MSN: variants seen among roughly 807,000 people sequenced by gnomAD.
MSN encodes the protein epididymis luminal protein 70.
A neutral mutation model predicts 48.0 loss-of-function variants in MSN; 2 were observed. That is an observed-to-expected ratio of 0.04 (90% CI 0.02 to 0.13). MSN has a LOEUF of 0.13. Among genes scored for constraint, MSN ranks in the 10% least tolerant of loss-of-function variants. The pLI, the probability that MSN is intolerant of heterozygous loss-of-function variation, is 1.00. For missense variants in MSN, 267 were observed against 470.1 expected, an observed-to-expected ratio of 0.57 and a Z score of 3.99; for synonymous variants, 146 against 166.9, an observed-to-expected ratio of 0.87 and a Z score of 0.97.
intron 1 of MSN, among the ~76,000 whole-genome samples, chrX:65,600,018 A>G (rs1374438314): frequency 9.1e-6 from 1 of 109,327 alleles, no homozygotes; most frequent in African/African-American, 3.3e-5. Flanking sequence ...CAGATAGGTA[A>G]TAAGAATCTG....
At chrX:65,690,641 C>G (rs1402724266) in intron 1 of MSN, among the ~76,000 whole-genome samples, 2 of 111,843 alleles carry the variant, frequency 1.8e-5, no homozygotes, top group Admixed American at 9.4e-5. Context: ...GGTGACTTCA[C>G]TCCTCAGATC....
At position 65,736,890 on chromosome X, in the gene MSN, A is replaced by G. The variant is rs764186464; in HGVS notation, c.1055A>G (p.Lys352Arg). Residue 352 changes from lysine to arginine, a missense_variant, in exon 9 of 13, where the codon AAG (lysine) becomes AGG (arginine). By Grantham distance (26) the Lys-to-Arg change is conservative. Around this residue, in one of 5 missense-constraint regions of MSN, gnomAD observed 70 missense variants for 76.3 expected, o/e 0.92. Coordinates refer to ENST00000360270, the MANE Select transcript of MSN (RefSeq NM_002444.3). ...AAGGAGGAGCTGATGGAGAGGCTGA[A>G]GCAGATCGAGGAACAGACTAAGAAG... Reference protein sequence around the residue: ...REKEELMERLKQIEEQTKKAQ... With the variant: ...REKEELMERLRQIEEQTKKAQ... 8.3e-7 allele frequency: 1 copy of G among 1,200,909 alleles called. No homozygotes were observed. Among genetic ancestry groups the G allele is most frequent in the Non-Finnish European group, 1.1e-6 (1 of 889,348 alleles).
intron 6 of MSN, 110 bp downstream of exon 6, chrX:65,732,094 A>C: frequency 1.2e-6 from 1 of 868,855 alleles, no homozygotes; most frequent in Non-Finnish European, 1.6e-6. Context: ...TTCTTTTTCT[A>C]CCTAATTTAG....
At chrX:65,686,920 G>C (rs1328924521) in intron 1 of MSN, among the ~76,000 whole-genome samples, 1 of 112,423 alleles carries the variant, frequency 8.9e-6, no homozygotes, top group Non-Finnish European at 1.9e-5. Flanking sequence ...TCACCACTAA[G>C]AATAGTTATG....
chrX:65,695,298 C>T (rs998595871), intron 1 of MSN, among the ~76,000 whole-genome samples: 18 of 109,919 alleles, frequency 1.6e-4, no homozygotes, highest in Middle Eastern at 4.7e-3. Flanking sequence ...GTCAGGAGTT[C>T]GAGACCAGCC....
chrX:65,611,267 C>G (rs1263768845), intron 1 of MSN, among the ~76,000 whole-genome samples: 1 of 108,465 alleles, frequency 9.2e-6, no homozygotes, highest in Non-Finnish European at 1.9e-5. Context: ...TCAAGCGATT[C>G]TCCTGCCTCA....
chrX:65,654,168 C>T (rs934264276), intron 1 of MSN, among the ~76,000 whole-genome samples: 6 of 99,464 alleles, frequency 6.0e-5, no homozygotes, highest in Non-Finnish European at 1.2e-4. Flanking sequence ...TGCAGTGGCG[C>T]GATCTCCACT....
intron 1 of MSN, among the ~76,000 whole-genome samples, chrX:65,658,968 C>T (rs1212119824): frequency 5.5e-5 from 6 of 108,235 alleles, no homozygotes; most frequent in Admixed American, 1.0e-4. Flanking sequence ...CCTCAGCCTC[C>T]GGAGTAGCTG....
chrX:65,704,635 C>T (rs371692906), intron 1 of MSN, among the ~76,000 whole-genome samples: 28 of 108,212 alleles, frequency 2.6e-4, no homozygotes, highest in Non-Finnish European at 3.8e-4. Flanking sequence ...GAGTTTTTCA[C>T]GGAAACAAAT....
At chrX:65,612,128 G>A (rs764671953) in intron 1 of MSN, among the ~76,000 whole-genome samples, 4 of 111,885 alleles carry the variant, frequency 3.6e-5, no homozygotes, top group African/African-American at 1.3e-4. Context: ...TGGGAGGTGG[G>A]AGGTGGGACC....
chrX:65,736,601 A>AT (rs893684932), intron 8 of MSN, among the ~76,000 whole-genome samples, 194 bp from the exon 9 acceptor site: 11 of 109,746 alleles, frequency 1.0e-4, no homozygotes, highest in Non-Finnish European at 1.5e-4. Context: ...TGCCCAGCCA[A>AT]TTTTTTTTGT....
intron 1 of MSN, among the ~76,000 whole-genome samples, chrX:65,615,978 C>T (rs2070367506): frequency 9.0e-6 from 1 of 111,200 alleles, no homozygotes; most frequent in Non-Finnish European, 1.9e-5. Flanking sequence ...TTCCCCATTG[C>T]TTGTTTTTGT....
chrX:65,733,126 T>A, intron 6 of MSN, 58 bp from the exon 7 acceptor site: 1 of 950,942 alleles, frequency 1.1e-6, no homozygotes, highest in South Asian at 2.1e-5. Context: ...AGCCCCCAGT[T>A]CTCTACACCC....
chrX:65,617,492 G>C (rs751586602), intron 1 of MSN, among the ~76,000 whole-genome samples: 3 of 105,816 alleles, frequency 2.8e-5, no homozygotes, highest in African/African-American at 1.2e-4. Flanking sequence ...GTTTATTTGC[G>C]TAGAGGTGTT....
At chrX:65,591,456 T>C (rs1012236399) in intron 1 of MSN, among the ~76,000 whole-genome samples, 2 of 112,063 alleles carry the variant, frequency 1.8e-5, no homozygotes, top group Non-Finnish European at 3.8e-5. Flanking sequence ...CCACTTCCAG[T>C]GCTATTATGC....
intron 1 of MSN, among the ~76,000 whole-genome samples, chrX:65,712,682 G>C (rs182684797): frequency 9.1e-6 from 1 of 109,978 alleles, no homozygotes; most frequent in Non-Finnish European, 1.9e-5. Flanking sequence ...TTGAGCTCAC[G>C]GACTCTATGA....
chrX:65,694,075 CA>C (rs746792238), intron 1 of MSN, among the ~76,000 whole-genome samples: 37 of 87,430 alleles, frequency 4.2e-4, no homozygotes, highest in East Asian at 7.3e-4. Context: ...AAACAAAAAA[CA>C]AAAAAAAAAA....
chrX:65,602,467 G>A (rs912831111), intron 1 of MSN, among the ~76,000 whole-genome samples: 1 of 110,845 alleles, frequency 9.0e-6, no homozygotes, highest in African/African-American at 3.3e-5. Flanking sequence ...AAGTGACTCC[G>A]ATATAATTAT....
chrX:65,636,485 C>G (rs1386328860), intron 1 of MSN, among the ~76,000 whole-genome samples: 3 of 110,471 alleles, frequency 2.7e-5, no homozygotes, highest in Non-Finnish European at 5.7e-5. Flanking sequence ...GCCTATAATC[C>G]CAGCACCTTG....
Sources: gnomAD v4.1 joint callset for allele counts (sites outside exome capture counted in the v4.1 genomes callset) on GRCh38, gnomAD v4.1.1 for gene constraint, gnomAD v4.1.1 regional missense constraint, MANE v1.5 for transcripts, NCBI Gene and HGNC (gene_info 2026-07-23, HGNC 2026-07-21) for gene names.